CCDC91: variants seen among roughly 807,000 people sequenced by gnomAD.
CCDC91 encodes coiled-coil domain containing 91.
CCDC91 carries 48 observed loss-of-function variants against 63.2 expected under a neutral mutation model. That is an observed-to-expected ratio of 0.76 (90% confidence interval 0.60 to 0.97). The LOEUF (loss-of-function observed/expected upper bound fraction) is 0.97. CCDC91 is among the 50% of genes least tolerant of loss of function. CCDC91 has a pLI of 0.00. For missense variants in CCDC91, 500 were observed against 494.6 expected (o/e 1.01, Z -0.10); for synonymous variants, 167 against 165.8 (o/e 1.01, Z -0.06).
intron 12 of CCDC91, among the ~76,000 whole-genome samples, chr12:28,533,441 G>A (rs1053433195): frequency 2.0e-5 from 3 of 151,784 alleles, no homozygotes; most frequent in Admixed American, 1.3e-4. Flanking sequence ...TACTATCTTT[G>A]AATCTTTGCT....
intron 6 of CCDC91, among the ~76,000 whole-genome samples, chr12:28,345,748 A>G (rs1437371607): frequency 4.6e-5 from 7 of 152,102 alleles, no homozygotes; most frequent in Admixed American, 2.0e-4. Flanking sequence ...TTTAAATAAC[A>G]TACTTTACAA....
chr12:28,396,963 G>GT (rs1310743602), intron 8 of CCDC91, among the ~76,000 whole-genome samples: 1 of 152,100 alleles, frequency 6.6e-6, no homozygotes, highest in African/African-American at 2.4e-5. Flanking sequence ...TGAAAGTCAT[G>GT]TAAGTATATA....
intron 3 of CCDC91, among the ~76,000 whole-genome samples, chr12:28,271,359 T>C (rs2136381861): frequency 6.6e-6 from 1 of 152,284 alleles, no homozygotes; most frequent in South Asian, 2.1e-4. Context: ...TTTCCTAATT[T>C]TGTAAATTTT....
intron 11 of CCDC91, among the ~76,000 whole-genome samples, chr12:28,458,454 CCTTT>C (rs1950153658): frequency 1.4e-5 from 1 of 71,482 alleles, no homozygotes; most frequent in African/African-American, 8.1e-5. Flanking sequence ...CATTTGCACA[CCTTT>C]TTTTTTTTTT....
chr12:28,346,974 G>T (rs1942858188), intron 6 of CCDC91, among the ~76,000 whole-genome samples: 1 of 152,146 alleles, frequency 6.6e-6, no homozygotes, highest in Non-Finnish European at 1.5e-5. Context: ...CAACACTTTG[G>T]AGACCCCAAG....
chr12:28,285,421 G>A (rs1948852742), intron 3 of CCDC91, among the ~76,000 whole-genome samples: 1 of 151,862 alleles, frequency 6.6e-6, no homozygotes, highest in East Asian at 2.0e-4. Flanking sequence ...AATTTACAAG[G>A]AGAAATTTCT....
chr12:28,308,098 T>A (rs1327431240), intron 6 of CCDC91, among the ~76,000 whole-genome samples: 4 of 152,036 alleles, frequency 2.6e-5, no homozygotes, highest in East Asian at 1.9e-4. Context: ...TTAACTTTTT[T>A]AAATAAATTG....
At chr12:28,309,074 C>T (rs1939044188) in intron 6 of CCDC91, among the ~76,000 whole-genome samples, 1 of 151,870 alleles carries the variant, frequency 6.6e-6, no homozygotes, top group South Asian at 2.1e-4. Context: ...ACATTCTTTG[C>T]CTGTTGGAGG....
At chr12:28,306,992 A>G in intron 5 of CCDC91, 47 bp downstream of exon 5, 1 of 1,199,372 alleles carries the variant, frequency 8.3e-7, no homozygotes, top group South Asian at 1.4e-5. Flanking sequence ...AAATATTAGA[A>G]ATTTGATATA....
chr12:28,226,988 A>G (rs1944310254), intron 1 of CCDC91, among the ~76,000 whole-genome samples: 1 of 152,224 alleles, frequency 6.6e-6, no homozygotes, highest in Admixed American at 6.5e-5. Flanking sequence ...TGAGATTGAT[A>G]TGATGTTTTT....
At chr12:28,356,446 G>A (rs1477744676) in intron 6 of CCDC91, among the ~76,000 whole-genome samples, 1 of 152,068 alleles carries the variant, frequency 6.6e-6, no homozygotes, top group South Asian at 2.1e-4. Flanking sequence ...GATTTTGGGA[G>A]GGGTAATTTT....
chr12:28,340,667 C>T (rs1293092129), intron 6 of CCDC91, among the ~76,000 whole-genome samples: 1 of 152,154 alleles, frequency 6.6e-6, no homozygotes, highest in Admixed American at 6.5e-5. Context: ...CTACTTATAC[C>T]TGTAAGGGAG....
chr12:28,211,869 A>G (rs1338992410), intron 1 of CCDC91, among the ~76,000 whole-genome samples: 2 of 152,060 alleles, frequency 1.3e-5, no homozygotes, highest in East Asian at 1.9e-4. Context: ...CCCCTACAAT[A>G]TTACAGTTTG....
chr12:28,369,441 C>T (rs1013026754), intron 7 of CCDC91, among the ~76,000 whole-genome samples: 1 of 152,196 alleles, frequency 6.6e-6, no homozygotes, highest in African/African-American at 2.4e-5. Context: ...GCAGCTCTCC[C>T]CCTGAGGCTC....
At chr12:28,276,054 A>G (rs1948200346) in intron 3 of CCDC91, among the ~76,000 whole-genome samples, 1 of 152,068 alleles carries the variant, frequency 6.6e-6, no homozygotes, top group Non-Finnish European at 1.5e-5. Context: ...CCCTTTGAAA[A>G]CTGGCACAAG....
intron 12 of CCDC91, among the ~76,000 whole-genome samples, chr12:28,492,381 A>G (rs1164450916): frequency 6.6e-6 from 1 of 151,752 alleles, no homozygotes; most frequent in Admixed American, 6.6e-5. Flanking sequence ...AGATTTTTTT[A>G]TATGTTATTT....
chr12:28,535,845 G>A (rs140381556), intron 12 of CCDC91, among the ~76,000 whole-genome samples: 97 of 151,998 alleles, frequency 6.4e-4, no homozygotes, highest in Middle Eastern at 6.8e-3. Flanking sequence ...TGGCTAACAC[G>A]GTGAAACCCC....
chr12:28,381,764 A>G (rs967976585), intron 7 of CCDC91, among the ~76,000 whole-genome samples: 1 of 152,148 alleles, frequency 6.6e-6, no homozygotes, highest in Admixed American at 6.6e-5. Flanking sequence ...ATCAGCAAGC[A>G]CTACTTGGTG....
chr12:28,342,057 A>T (rs1942464752), intron 6 of CCDC91, among the ~76,000 whole-genome samples: 2 of 152,210 alleles, frequency 1.3e-5, no homozygotes, highest in Non-Finnish European at 2.9e-5. Flanking sequence ...TGATAGCCCC[A>T]GACAAATTAC....
Sources: allele counts gnomAD v4.1 joint callset (sites outside exome capture counted in the v4.1 genomes callset), GRCh38; gene constraint gnomAD v4.1.1; transcripts MANE v1.5; gene names NCBI Gene and HGNC (gene_info 2026-07-23, HGNC 2026-07-21).